ADAM22: variants seen among roughly 807,000 people sequenced by gnomAD.
ADAM22 encodes disintegrin and metalloproteinase domain-containing protein 22.
ADAM22 carries 65 observed loss-of-function variants against 144.6 expected under a neutral mutation model. The observed-to-expected ratio is 0.45, with a 90% CI of 0.37 to 0.55. The LOEUF is 0.55. Ranked by LOEUF, ADAM22 falls within the 20% of genes least tolerant of loss-of-function variation. The pLI is 0.00. For missense variants in ADAM22, 974 were observed against 1,184.9 expected, an observed-to-expected ratio of 0.82 and a Z score of 2.61; for synonymous variants, 391 against 412.6, an observed-to-expected ratio of 0.95 and a Z score of 0.63.
intron 3 of ADAM22, among the ~76,000 whole-genome samples, chr7:88,062,955 C>G (rs912490794): frequency 3.9e-5 from 6 of 152,036 alleles, no homozygotes; most frequent in Non-Finnish European, 7.4e-5. Flanking sequence ...TCATTGTACC[C>G]TCAAACAATT....
intron 6 of ADAM22, 22 bp downstream of exon 6, chr7:88,114,669 T>A: frequency 6.2e-7 from 1 of 1,611,448 alleles, no homozygotes; most frequent in East Asian, 2.2e-5. Flanking sequence ...TTCTGTTTGT[T>A]GTGGCAAATG....
intron 4 of ADAM22, among the ~76,000 whole-genome samples, chr7:88,099,264 G>A (rs1585706974): frequency 6.6e-6 from 1 of 152,102 alleles, no homozygotes; most frequent in East Asian, 1.9e-4. Context: ...ATCTATGCCG[G>A]CAGAAGACAG....
At chr7:88,159,340 G>C (rs983660016) in intron 22 of ADAM22, among the ~76,000 whole-genome samples, 1 of 152,050 alleles carries the variant, frequency 6.6e-6, no homozygotes. Flanking sequence ...AAGAAGAGCT[G>C]GCACCATTCC....
In ADAM22 at chr7:87,935,206, A is replaced by T. The variant is rs1274727521; in HGVS notation, c.246+20A>T. ...CCGCAGGTGAGAGGCTCGGTCCGGGAGGTGGTCCTCCGCGCCTCCCGGCCC... is the reference window on the plus strand; with the variant it reads ...CCGCAGGTGAGAGGCTCGGTCCGGGTGGTGGTCCTCCGCGCCTCCCGGCCC... On this transcript the variant is annotated intron_variant, in intron 2 of 31. Transcript: ENST00000413139. 3.2e-6 allele frequency: 5 copies of T among 1,567,910 alleles called. No homozygotes were observed. The Admixed American group carries it at 9.3e-5, about 29-fold the overall frequency.
chr7:88,050,449 T>A (rs76832117), intron 3 of ADAM22, among the ~76,000 whole-genome samples: 19 of 125,254 alleles, frequency 1.5e-4, no homozygotes, highest in African/African-American at 5.6e-4. Flanking sequence ...AATGAGAAAA[T>A]GCCCAGAGTC....
At chr7:87,946,672 T>A (rs1428052576) in intron 2 of ADAM22, among the ~76,000 whole-genome samples, 2 of 152,198 alleles carry the variant, frequency 1.3e-5, no homozygotes, top group African/African-American at 4.8e-5. Context: ...GGTATGCAGC[T>A]TTGTTTCTGG....
intron 2 of ADAM22, among the ~76,000 whole-genome samples, chr7:87,963,514 A>G (rs1022709656): frequency 1.3e-5 from 2 of 152,172 alleles, no homozygotes; most frequent in African/African-American, 2.4e-5. Context: ...AAGAATCAAG[A>G]TATCTTGTAG....
chr7:88,182,160 C>A, intron 29 of ADAM22, 136 bp downstream of exon 29: 2 of 753,146 alleles, frequency 2.7e-6, no homozygotes, highest in Non-Finnish European at 4.2e-6. Flanking sequence ...TCTTTTTTGC[C>A]CTTTAAAAAT....
chr7:88,133,335 C>G (rs1314034966), intron 12 of ADAM22, among the ~76,000 whole-genome samples: 1 of 150,806 alleles, frequency 6.6e-6, no homozygotes, highest in Non-Finnish European at 1.5e-5. Flanking sequence ...TGCACTCCAG[C>G]CTGGGCAACA....
At chr7:87,947,133 C>T (rs1317958449) in intron 2 of ADAM22, among the ~76,000 whole-genome samples, 1 of 151,272 alleles carries the variant, frequency 6.6e-6, no homozygotes, top group Non-Finnish European at 1.5e-5. Flanking sequence ...TAGGATCATT[C>T]ATATCCCAAA....
intron 7 of ADAM22, among the ~76,000 whole-genome samples, chr7:88,124,934 A>G (rs565724279): frequency 1.9e-4 from 29 of 152,146 alleles, no homozygotes; most frequent in African/African-American, 4.8e-4. Context: ...TTGCTCAACC[A>G]TCAAAGTCTT....
In ADAM22 at chr7:87,967,807, C is replaced by CAA. The variant is rs35787636; in HGVS notation, c.247-10507_247-10506dup. ...TGAGCGACAGAGTGAGACTCTGTCT[C>CAA]AAAAAAAAAAAAAAAAAAAAAAAGT... On this transcript the variant is annotated intron_variant, in intron 2 of 31. Transcript: ENST00000413139. 5.3e-3 allele frequency among the ~76,000 whole-genome samples: 321 copies of CAA among 60,682 alleles called. 32 individuals carry two copies. The highest frequency in any genetic ancestry group is 0.019 in the Middle Eastern group (1 of 54). The allele number at this position is 60,682 out of a possible 152,430, so 39.8% of individuals were successfully genotyped here. A position where few individuals can be genotyped will look rare whatever the true frequency, so the allele number is the denominator to read the frequency against.
chr7:88,079,521 T>C (rs1234676343), intron 4 of ADAM22, among the ~76,000 whole-genome samples: 3 of 152,182 alleles, frequency 2.0e-5, no homozygotes, highest in Non-Finnish European at 4.4e-5. Flanking sequence ...GTAAATGGGC[T>C]AAATGCTCCA....
rs866161994 is a variant in ADAM22, at chr7:88,015,009, C to G, written c.323+36597C>G. On this transcript the variant is annotated intron_variant, in intron 3 of 31. Coordinates refer to ENST00000413139, the MANE Select transcript of ADAM22 (RefSeq NM_001324418.2). The stretch of plus-strand genomic sequence containing the variant: ...GAGCCATGACGCCGTATGCTCTAGT[C>G]TATGCAGTGATCATTGATACAGGGT... 7.2e-5 allele frequency among the ~76,000 whole-genome samples: 11 copies of G among 152,286 alleles called. No individual in the cohort carries two copies. The South Asian group carries it at 2.3e-3, about 32-fold the overall frequency.
chr7:88,009,405 T>G (rs139561688), intron 3 of ADAM22, among the ~76,000 whole-genome samples: 67 of 152,324 alleles, frequency 4.4e-4, no homozygotes, highest in African/African-American at 1.4e-3. Flanking sequence ...CACTTTTGTT[T>G]CATAGTTCAT....
At position 88,153,378 on chromosome 7, in the gene ADAM22, A is replaced by G. The variant is rs369107611; in HGVS notation, c.1787+52A>G. The G allele has an allele frequency of 1.2e-4, 174 of 1,480,194 alleles. No homozygotes were observed. The African/African-American group carries it at 2.0e-3, about 17-fold the overall frequency. 91.7% of individuals were successfully genotyped at this position (1,480,194 alleles called of 1,614,324 possible). The stretch of plus-strand genomic sequence containing the variant: ...TCATCCCTTGGTCAATTACAAGTGT[A>G]CTTTTTTGAGTGACTAGGAAGTTTC... On this transcript the variant is annotated intron_variant, in intron 21 of 31. Transcript: ENST00000413139.
chr7:88,053,623 A>AGAAAGAAG (rs1254196519), intron 3 of ADAM22, among the ~76,000 whole-genome samples: 1 of 116,712 alleles, frequency 8.6e-6, no homozygotes, highest in Non-Finnish European at 2.0e-5. Flanking sequence ...AAAGAAAGAA[A>AGAAAGAAG]GAAAGAAAGA....
intron 4 of ADAM22, among the ~76,000 whole-genome samples, chr7:88,103,376 TG>T (rs1823476161): frequency 6.6e-6 from 1 of 152,178 alleles, no homozygotes; most frequent in Admixed American, 6.5e-5. Context: ...AATAAAAATG[TG>T]GTATGTCTTT....
rs1388046375 is a variant in ADAM22 at position 88,165,748 on chromosome 7, TATA to T, written c.2077-76_2077-74del. 3.3e-6 allele frequency: 3 copies of T among 902,834 alleles called. No homozygotes were observed. In the African/African-American group the frequency reaches 5.2e-5, roughly 16 times the overall value. 55.9% of individuals were successfully genotyped at this position (902,834 alleles called of 1,614,324 possible). A position where few individuals can be genotyped will look rare whatever the true frequency, so the allele number is the denominator to read the frequency against. On this transcript the variant is annotated intron_variant, in intron 23 of 31. Coordinates refer to ENST00000413139, the MANE Select transcript of ADAM22 (RefSeq NM_001324418.2). ...TTTTGGAATTACCACATTCTAAGCA[TATA>T]ATAATAAGAAATTAGTGTTTATTTT... is the stretch of plus-strand genomic sequence containing the variant.
Sources: gnomAD v4.1 joint callset for allele counts (sites outside exome capture counted in the v4.1 genomes callset) on GRCh38, gnomAD v4.1.1 for gene constraint, MANE v1.5 for transcripts, NCBI Gene and HGNC (gene_info 2026-07-23, HGNC 2026-07-21) for gene names.